ADK: variants seen among roughly 807,000 people sequenced by gnomAD.
ADK encodes the protein adenosine kinase.
A neutral mutation model predicts 44.7 loss-of-function variants in ADK; 24 were observed. That is an observed-to-expected ratio of 0.54 (90% CI 0.39 to 0.76). ADK has a LOEUF of 0.76. ADK is among the 30% of genes least tolerant of loss of function. ADK has a pLI of 0.00. For missense variants in ADK, 321 were observed against 425.1 expected (o/e 0.76, Z 2.15); for synonymous variants, 128 against 142.6 (o/e 0.90, Z 0.73).
chr10:74,236,391 A>G (rs961722496), intron 3 of ADK, among the ~76,000 whole-genome samples: 1 of 152,204 alleles, frequency 6.6e-6, no homozygotes, highest in Middle Eastern at 3.2e-3. Flanking sequence ...TAGGCTTTTA[A>G]ACAATTTTGT....
chr10:74,508,555 C>CT (rs1848174862), intron 6 of ADK: 1 of 152,074 alleles, frequency 6.6e-6, no homozygotes, highest in African/African-American at 2.4e-5. Flanking sequence ...ACAGTAAAGC[C>CT]TAGTAAAGTT....
chr10:74,688,845 G>T (rs901440982), intron 10 of ADK, among the ~76,000 whole-genome samples: 3 of 152,186 alleles, frequency 2.0e-5, no homozygotes, highest in Admixed American at 2.0e-4. Flanking sequence ...GAGCCCAGGA[G>T]GTCAAGGAAA....
At chr10:74,246,580 T>G (rs530749932) in intron 3 of ADK, among the ~76,000 whole-genome samples, 8 of 152,286 alleles carry the variant, frequency 5.3e-5, no homozygotes, top group African/African-American at 1.9e-4. Context: ...CAGAGGAAAC[T>G]TCATTATCAT....
At chr10:74,334,580 G>C (rs1841344763) in intron 4 of ADK, among the ~76,000 whole-genome samples, 2 of 152,108 alleles carry the variant, frequency 1.3e-5, no homozygotes, top group African/African-American at 4.8e-5. Flanking sequence ...TTAGTTAAGA[G>C]GCTTTTGTGT....
At chr10:74,502,979 T>C (rs1248979800) in intron 6 of ADK, among the ~76,000 whole-genome samples, 2 of 152,220 alleles carry the variant, frequency 1.3e-5, no homozygotes, top group Non-Finnish European at 2.9e-5. Flanking sequence ...ACACTCTCAT[T>C]ACCACACTAA....
rs60146782 is a variant in ADK, at chr10:74,308,332, G to T, written c.195-6335G>T. Among the ~76,000 whole-genome samples, 5 of 152,254 alleles carry T rather than the reference G, an allele frequency of 3.3e-5. No individual in the cohort carries two copies. The East Asian group carries it at 9.7e-4, about 29-fold the overall frequency. On this transcript the variant is annotated intron_variant, in intron 3 of 10. Coordinates refer to ENST00000539909, the MANE Select transcript of ADK (RefSeq NM_006721.4). Reference sequence around the variant, plus strand: ...AGTGTCTTTAAATTACAATCCTTATGAACTAATAGCTTAACCTTAGTTTTG... The same window carrying T: ...AGTGTCTTTAAATTACAATCCTTATTAACTAATAGCTTAACCTTAGTTTTG...
chr10:74,177,946 T>TATATATATA (rs1554825917), intron 1 of ADK, among the ~76,000 whole-genome samples: 23 of 32,254 alleles, frequency 7.1e-4, no homozygotes, highest in African/African-American at 1.0e-3. Context: ...TATATATATA[T>TATATATATA]TTTTTTTTTT....
intron 6 of ADK, among the ~76,000 whole-genome samples, chr10:74,495,987 T>C (rs776382331): frequency 2.6e-5 from 4 of 152,352 alleles, no homozygotes; most frequent in Admixed American, 1.3e-4. Flanking sequence ...ACCTCAGAAA[T>C]TGTAATCCAG....
In ADK at chr10:74,553,190, G is replaced by GTTTTTTTTTTT. The variant is rs386371837; in HGVS notation, c.726+27783_726+27793dup. 8.3e-5 allele frequency among the ~76,000 whole-genome samples: 5 copies of GTTTTTTTTTTT among 60,438 alleles called. 1 individual carries two copies. The highest frequency in any genetic ancestry group is 2.3e-4 in the Admixed American group (1 of 4,368). The allele number at this position is 60,438 out of a possible 152,430, so 39.6% of individuals were successfully genotyped here. ...ACAAGACAATTTTTCAGCACATTGT[G>GTTTTTTTTTTT]TTTTTTTTTTTTTTTTTTTTTTTTT... On this transcript the variant is annotated intron_variant, in intron 7 of 10. Transcript: ENST00000539909.
Position 74,232,356 on chromosome 10 carries a change from TA to T in ADK, c.194+7769del, listed in dbSNP as rs1036069467. On this transcript the variant is annotated intron_variant, in intron 3 of 10. Transcript: ENST00000539909. ...CAACGTGGCGAAACCCTGTCTCTACTAAAAGTATAAAAAAAATTAGCTGGGC... is the reference window on the plus strand; with the variant it reads ...CAACGTGGCGAAACCCTGTCTCTACTAAAGTATAAAAAAAATTAGCTGGGC... Among the ~76,000 whole-genome samples, 17 of 151,864 alleles carry T rather than the reference TA, an allele frequency of 1.1e-4. 1 individual carries two copies. Among genetic ancestry groups the T allele is most frequent in the Non-Finnish European group, 7.4e-5 (5 of 67,970 alleles).
chr10:74,337,917 C>A (rs1403468557), intron 4 of ADK, among the ~76,000 whole-genome samples: 1 of 152,052 alleles, frequency 6.6e-6, no homozygotes, highest in Non-Finnish European at 1.5e-5. Context: ...CACCTGCCAC[C>A]ACGCTGGGCT....
At chr10:74,175,874 T>C (rs1842313084) in intron 1 of ADK, among the ~76,000 whole-genome samples, 1 of 152,254 alleles carries the variant, frequency 6.6e-6, no homozygotes, top group South Asian at 2.1e-4. Context: ...TTGGAGTTAA[T>C]TTTCCTTTTA....
At chr10:74,578,164 A>C (rs937482346) in intron 7 of ADK, among the ~76,000 whole-genome samples, 3 of 152,138 alleles carry the variant, frequency 2.0e-5, no homozygotes, top group Non-Finnish European at 4.4e-5. Context: ...TTAGAAAAGC[A>C]CTTAACAAGG....
intron 6 of ADK, among the ~76,000 whole-genome samples, chr10:74,454,355 CATTT>C (rs1441174312): frequency 6.6e-6 from 1 of 151,898 alleles, no homozygotes; most frequent in Non-Finnish European, 1.5e-5. Context: ...ATGTGTTACT[CATTT>C]ATGCAAAAAA....
At chr10:74,449,750 G>T (rs1002923766) in intron 6 of ADK, among the ~76,000 whole-genome samples, 3 of 152,152 alleles carry the variant, frequency 2.0e-5, no homozygotes, top group African/African-American at 4.8e-5. Context: ...AGGAGTATGT[G>T]TGGTGACTAA....
intron 10 of ADK, among the ~76,000 whole-genome samples, chr10:74,692,558 G>A (rs1202716667): frequency 1.3e-5 from 2 of 152,136 alleles, no homozygotes; most frequent in African/African-American, 2.4e-5. Context: ...AATGCATGTT[G>A]CTAAATGAAA....
At chr10:74,294,835 G>A (rs1306668385) in intron 3 of ADK, among the ~76,000 whole-genome samples, 1 of 152,064 alleles carries the variant, frequency 6.6e-6, no homozygotes, top group Non-Finnish European at 1.5e-5. Context: ...TCTATTGGGT[G>A]TTTAAGAATA....
intron 3 of ADK, among the ~76,000 whole-genome samples, chr10:74,240,831 A>T (rs1845179272): frequency 1.3e-5 from 2 of 152,230 alleles, no homozygotes; most frequent in Admixed American, 1.3e-4. Flanking sequence ...TATTTATTTT[A>T]AAACTGTAAC....
chr10:74,687,374 C>T (rs2134252724), intron 10 of ADK, among the ~76,000 whole-genome samples: 1 of 152,342 alleles, frequency 6.6e-6, no homozygotes, highest in African/African-American at 2.4e-5. Context: ...AAAGAGAACA[C>T]TGGGTTATTA....
Sources: gnomAD v4.1 joint callset for allele counts (sites outside exome capture counted in the v4.1 genomes callset) on GRCh38, gnomAD v4.1.1 for gene constraint, MANE v1.5 for transcripts, NCBI Gene and HGNC (gene_info 2026-07-23, HGNC 2026-07-21) for gene names.